The following SQOR variants were observed in gnomAD, a reference collection of about 807,000 sequenced individuals.
SQOR encodes the protein sulfide quinone oxidoreductase.
Under a neutral mutation model 48.6 loss-of-function variants are expected in SQOR, and 39 were observed. That is an observed-to-expected ratio of 0.80 (90% CI 0.62 to 1.05). SQOR has a LOEUF of 1.05. Among genes scored for constraint, SQOR ranks in the 50% least tolerant of loss-of-function variants. The probability of loss-of-function intolerance (pLI) is 0.00; values close to 1 mark genes in which losing one functional copy is unlikely to be tolerated. For synonymous variants in SQOR, 220 were observed against 206.2 expected (o/e 1.07, Z -0.57); for missense variants, 561 against 559.9 (o/e 1.00, Z -0.02).
intron 2 of SQOR, 22 bp from the exon 3 acceptor site, chr15:45,661,933 C>T (rs1343593091): frequency 6.2e-7 from 1 of 1,609,104 alleles, no homozygotes; most frequent in East Asian, 2.2e-5. Flanking sequence ...TGCAATAAAT[C>T]TTCAAATACT....
At chr15:45,670,101 G>T in intron 4 of SQOR, 120 bp downstream of exon 4, 1 of 930,172 alleles carries the variant, frequency 1.1e-6, no homozygotes. Flanking sequence ...AATCTCTTCT[G>T]GTTTTATTTC....
chr15:45,657,748 G>A (rs1566917604), intron 1 of SQOR, among the ~76,000 whole-genome samples: 1 of 152,168 alleles, frequency 6.6e-6, no homozygotes, highest in Admixed American at 6.5e-5. Flanking sequence ...CTCCAGTCGG[G>A]AGGATGGAAA....
rs1367769095 is a variant in SQOR at position 45,674,477 on chromosome 15, G to T, written c.654+676G>T. ...AAAAGTCTACTGGAGAGATATGTTA[G>T]AGACTGTTTAAATATTTCCATATAG... On this transcript the variant is annotated intron_variant, in intron 5 of 9. Transcript: ENST00000260324. Among the ~76,000 whole-genome samples, 3 of 151,754 alleles carry T rather than the reference G, an allele frequency of 2.0e-5. No individual in the cohort carries two copies. The East Asian group carries it at 5.8e-4, about 29-fold the overall frequency.
At chr15:45,638,756 G>A (rs35948532) in intron 1 of SQOR, among the ~76,000 whole-genome samples, 11,256 of 151,732 alleles carry the variant, frequency 0.074, 522 homozygotes, top group Non-Finnish European at 0.11. Flanking sequence ...AAAAAAAAAG[G>A]AAAATTAAGT....
intron 1 of SQOR, among the ~76,000 whole-genome samples, chr15:45,643,282 G>A (rs774507997): frequency 1.3e-5 from 2 of 152,084 alleles, no homozygotes; most frequent in African/African-American, 4.8e-5. Flanking sequence ...TGCAGCCTCC[G>A]CCTCCCAGGT....
chr15:45,682,731 CA>C (rs1890146761), intron 7 of SQOR, 70 bp downstream of exon 7: 14 of 1,559,222 alleles, frequency 9.0e-6, no homozygotes, highest in Non-Finnish European at 1.2e-5. Context: ...GTAACAAAAA[CA>C]CAAGCTTGGC....
chr15:45,677,934 C>G (rs986568762), intron 6 of SQOR, among the ~76,000 whole-genome samples: 2 of 152,164 alleles, frequency 1.3e-5, no homozygotes, highest in African/African-American at 4.8e-5. Context: ...TCTCGAACTG[C>G]TGACCTCAAG....
intron 7 of SQOR, among the ~76,000 whole-genome samples, chr15:45,685,202 C>A (rs139848047): frequency 3.4e-3 from 514 of 152,180 alleles, no homozygotes; most frequent in Middle Eastern, 0.01. Context: ...TCTATTTACT[C>A]TTCTCTTCAA....
At chr15:45,690,570 C>T (rs1890304755) in intron 9 of SQOR, among the ~76,000 whole-genome samples, 1 of 152,128 alleles carries the variant, frequency 6.6e-6, no homozygotes, top group African/African-American at 2.4e-5. Flanking sequence ...GAGCAGAGGC[C>T]AGGGATACTG....
intron 9 of SQOR, among the ~76,000 whole-genome samples, chr15:45,689,951 A>G (rs78170651): frequency 0.017 from 2,556 of 152,244 alleles, 82 homozygotes; most frequent in African/African-American, 0.059. Context: ...TAAATTTCTC[A>G]TCTGCAAAAT....
chr15:45,637,308 A>G (rs1383466681), intron 1 of SQOR, among the ~76,000 whole-genome samples: 1 of 152,080 alleles, frequency 6.6e-6, no homozygotes, highest in Non-Finnish European at 1.5e-5. Context: ...CAGCTTCTTC[A>G]TTGTACAGTG....
At chr15:45,644,907 T>C (rs995267468) in intron 1 of SQOR, among the ~76,000 whole-genome samples, 1 of 152,172 alleles carries the variant, frequency 6.6e-6, no homozygotes, top group Non-Finnish European at 1.5e-5. Context: ...TCTGGATTGA[T>C]TGGTTTACAT....
intron 3 of SQOR, among the ~76,000 whole-genome samples, chr15:45,663,755 G>A (rs1275462753): frequency 6.6e-6 from 1 of 151,792 alleles, no homozygotes; most frequent in Non-Finnish European, 1.5e-5. Context: ...TGACAGAGCT[G>A]TCTCCAAAAA....
At chr15:45,643,462 T>G (rs557276738) in intron 1 of SQOR, among the ~76,000 whole-genome samples, 1 of 152,324 alleles carries the variant, frequency 6.6e-6, no homozygotes, top group Non-Finnish European at 1.5e-5. Flanking sequence ...CCCAAAGTGT[T>G]GGGATTACAG....
chr15:45,665,660 T>C lies in SQOR; in HGVS notation c.405+3535T>C, dbSNP rs1457715633. Among the ~76,000 whole-genome samples, 8 of 151,912 alleles carry C rather than the reference T, an allele frequency of 5.3e-5. No homozygotes were observed. In the East Asian group the frequency reaches 1.4e-3, roughly 26 times the overall value. ...GTGCAGTGGTGTGATCTTGGCTCAC[T>C]GCAACCTCTGCCTCCCAGGTTCAAG... On this transcript the variant is annotated intron_variant, in intron 3 of 9. Coordinates refer to ENST00000260324, the MANE Select transcript of SQOR (RefSeq NM_021199.4).
chr15:45,644,303 C>T (rs894293117), intron 1 of SQOR, among the ~76,000 whole-genome samples: 2 of 152,178 alleles, frequency 1.3e-5, no homozygotes, highest in African/African-American at 4.8e-5. Flanking sequence ...CCAGGCTGGT[C>T]TTAAACTCCT....
At chr15:45,663,383 C>T (rs565572137) in intron 3 of SQOR, among the ~76,000 whole-genome samples, 1 of 152,272 alleles carries the variant, frequency 6.6e-6, no homozygotes, top group South Asian at 2.1e-4. Context: ...AAAGCCCTCT[C>T]TAGAAAAATG....
At chr15:45,644,860 G>A (rs537236192) in intron 1 of SQOR, among the ~76,000 whole-genome samples, 1 of 152,300 alleles carries the variant, frequency 6.6e-6, no homozygotes. Flanking sequence ...CTCTTGCAGG[G>A]TTAAAGCCAA....
intron 9 of SQOR, among the ~76,000 whole-genome samples, chr15:45,690,098 T>TTTTTGG (rs1890296453): frequency 8.2e-6 from 1 of 122,398 alleles, no homozygotes; most frequent in Non-Finnish European, 1.8e-5. Context: ...TTTTTTTTTT[T>TTTTTGG]GGAGGCAAAG....
Sources: allele counts gnomAD v4.1 joint callset (sites outside exome capture counted in the v4.1 genomes callset), GRCh38; gene constraint gnomAD v4.1.1; transcripts MANE v1.5; gene names NCBI Gene and HGNC (gene_info 2026-07-23, HGNC 2026-07-21).